SUMO3: variants seen among roughly 807,000 people sequenced by gnomAD.
SUMO3 encodes the protein small ubiquitin-related modifier 3.
In SUMO3, 2 loss-of-function variants were observed where a neutral mutation model predicts 11.1. The observed-to-expected ratio is 0.18, with a 90% CI of 0.07 to 0.57. SUMO3 has a LOEUF of 0.57. SUMO3 is among the 20% of genes least tolerant of loss of function. SUMO3 has a pLI of 0.92. For synonymous variants in SUMO3, 56 were observed against 53.5 expected (o/e 1.05, Z -0.20); for missense variants, 70 against 132.8 (o/e 0.53, Z 2.32).
chr21:44,815,196 CG>C (rs774668230), intron 1 of SUMO3, among the ~76,000 whole-genome samples: 7 of 152,194 alleles, frequency 4.6e-5, no homozygotes, highest in Non-Finnish European at 1.0e-4. Flanking sequence ...ACTGTCCCAG[CG>C]ATGCCTAAAT....
At position 44,806,367 on chromosome 21, in the gene SUMO3, A is replaced by AT. The variant is rs1486025493; in HGVS notation, c.*583dup. The AT allele has an allele frequency of 6.6e-6, 1 of 152,456 alleles. No individual in the cohort carries two copies. The highest frequency in any genetic ancestry group is 1.5e-5 in the Non-Finnish European group (1 of 68,258). The allele number at this position is 152,456 out of a possible 1,614,324, so 9.4% of individuals were successfully genotyped here. On this transcript the variant is annotated 3_prime_UTR_variant, in exon 4 of 4. Transcript: ENST00000332859. ...GGTCAAATTACCAAAAGACTCGGTT[A>AT]TTTTTTAACCTTTGAAGAAGCATTC...
rs1342135623 is a variant in SUMO3 at position 44,809,060 on chromosome 21, T to C, written c.209A>G (p.Asp70Gly). 6.2e-7 allele frequency: 1 copy of C among 1,614,082 alleles called. No individual in the cohort carries two copies. Among genetic ancestry groups the C allele is most frequent in the South Asian group, 1.1e-5 (1 of 91,076 alleles). The change falls in exon 3 of 4, where the codon GAC (aspartate) becomes GGC (glycine). Residue 70 changes from aspartate (D) to glycine (G), a missense_variant. Coordinates refer to ENST00000332859, the MANE Select transcript of SUMO3 (RefSeq NM_006936.3). ...CCAGCTCCGTACCTGTGCTGGAGTG[T>C]CAGTTTCATTGATTGGCTGCCCGTC... ...RFDGQPINET[D>G]TPAQLEMEDE...
chr21:44,813,782 T>A lies in SUMO3; in HGVS notation c.150+194A>T, dbSNP rs942173872. On this transcript the variant is annotated intron_variant, in intron 2 of 3. Coordinates refer to ENST00000332859, the MANE Select transcript of SUMO3 (RefSeq NM_006936.3). ...CGAGCCTCTAGGTCCCTCCACCTTA[T>A]AAAAGGCCATGGGGGACAAGCCCAG... is the stretch of plus-strand genomic sequence containing the variant. The A allele has an allele frequency of 2.0e-6, 3 of 1,487,436 alleles. No homozygotes were observed. The South Asian group carries it at 3.8e-5, about 19-fold the overall frequency. The allele number at this position is 1,487,436 out of a possible 1,614,324, so 92.1% of individuals were successfully genotyped here.
At position 44,814,928 on chromosome 21, in the gene SUMO3, A is replaced by T. The variant is rs550901242; in HGVS notation, c.22-824T>A. ...TGAGTTGAGGCAAAAAGCTGATGTC[A>T]AGAGACTGGGAGCCAACTTCGGGGC... is the stretch of plus-strand genomic sequence containing the variant. On this transcript the variant is annotated intron_variant, in intron 1 of 3. Transcript: ENST00000332859. 2.0e-5 allele frequency among the ~76,000 whole-genome samples: 3 copies of T among 152,362 alleles called. No individual in the cohort carries two copies. In the South Asian group the frequency reaches 6.2e-4, roughly 32 times the overall value.
Position 44,817,964 on chromosome 21 carries a change from G to A in SUMO3, c.5C>T (p.Ser2Phe). 1.7e-6 allele frequency: 2 copies of A among 1,181,560 alleles called. No homozygotes were observed. Among genetic ancestry groups the A allele is most frequent in the Non-Finnish European group, 2.1e-6 (2 of 955,408 alleles). 73.2% of individuals were successfully genotyped at this position (1,181,560 alleles called of 1,614,324 possible). A position where few individuals can be genotyped will look rare whatever the true frequency, so the allele number is the denominator to read the frequency against. Residue 2 changes from serine to phenylalanine, a missense_variant, in exon 1 of 4, where the codon TCC (serine) becomes TTC (phenylalanine). By Grantham distance (155) the Ser-to-Phe change is radical (BLOSUM62 -2). Coordinates refer to ENST00000332859, the MANE Select transcript of SUMO3 (RefSeq NM_006936.3). M[S>F]EEKPKEGVKT... ...CGCGCTTACCTTGGGCTTCTCCTCG[G>A]ACATGGCTGCGCGAGCGGCGCGGGG... is the stretch of plus-strand genomic sequence containing the variant.
At chr21:44,815,918 G>C (rs1014082384) in intron 1 of SUMO3, among the ~76,000 whole-genome samples, 1 of 152,196 alleles carries the variant, frequency 6.6e-6, no homozygotes, top group Non-Finnish European at 1.5e-5. Flanking sequence ...CTCCACCTCA[G>C]CTATCCAGGG....
chr21:44,808,681 G>C, intron 3 of SUMO3: 1 of 1,362,304 alleles, frequency 7.3e-7, no homozygotes, highest in South Asian at 1.8e-5. Context: ...CGTCACTTGT[G>C]CAAGATGCTT....
chr21:44,815,977 C>T (rs995779330), intron 1 of SUMO3, among the ~76,000 whole-genome samples: 1 of 152,238 alleles, frequency 6.6e-6, no homozygotes, highest in Admixed American at 6.5e-5. Flanking sequence ...CTTTCCAGCA[C>T]CACCGGGCCC....
rs147549284 is a variant in SUMO3, at chr21:44,813,953, T to C, written c.150+23A>G. On this transcript the variant is annotated intron_variant, in intron 2 of 3. Coordinates refer to ENST00000332859, the MANE Select transcript of SUMO3 (RefSeq NM_006936.3). The stretch of plus-strand genomic sequence containing the variant: ...GACCAGTGCGCACACGGGGAGGCTC[T>C]GCGGGGGAGCAAGGTGCCGCACCTG... The C allele has an allele frequency of 9.6e-3, 15,438 of 1,607,346 alleles. 95 individuals carry two copies. The highest frequency in any genetic ancestry group is 0.012 in the Non-Finnish European group (14,077 of 1,179,902).
At chr21:44,808,847 C>A in intron 3 of SUMO3, 200 bp downstream of exon 3, 1 of 677,368 alleles carries the variant, frequency 1.5e-6, no homozygotes, top group East Asian at 2.8e-5. Context: ...CTCCAAACAG[C>A]AAGAATGATG....
intron 3 of SUMO3, chr21:44,808,231 G>A (rs767629856): frequency 3.0e-5 from 7 of 234,036 alleles, no homozygotes; most frequent in South Asian, 1.7e-4. Context: ...ACTCTGTTTC[G>A]GCCGGGCGCG....
chr21:44,817,532 G>A (rs2083253449), intron 1 of SUMO3, among the ~76,000 whole-genome samples: 1 of 151,668 alleles, frequency 6.6e-6, no homozygotes, highest in Non-Finnish European at 1.5e-5. Flanking sequence ...GCGATGCCGG[G>A]GGAGAGGGCG....
chr21:44,817,645 G>A (rs72613649), intron 1 of SUMO3, among the ~76,000 whole-genome samples: 31,587 of 150,704 alleles, frequency 0.21, 4,573 homozygotes, highest in East Asian at 0.58. Context: ...GCAGCAGCGC[G>A]GGGCCCGACA....
At chr21:44,816,052 A>G (rs968583022) in intron 1 of SUMO3, among the ~76,000 whole-genome samples, 4 of 152,164 alleles carry the variant, frequency 2.6e-5, no homozygotes, top group Non-Finnish European at 5.9e-5. Context: ...ATGGGCTCAG[A>G]GGGGACCCAC....
At chr21:44,809,765 G>C (rs1175132722) in intron 2 of SUMO3, among the ~76,000 whole-genome samples, 1 of 152,190 alleles carries the variant, frequency 6.6e-6, no homozygotes, top group African/African-American at 2.4e-5. Context: ...GAGCCGCCAG[G>C]TGAATACTAA....
rs1426094438 is a variant in SUMO3 at position 44,813,711 on chromosome 21, C to T, written c.150+265G>A. Reference sequence around the variant, plus strand: ...TTAGTACCCCATGGAGAACACAGCACCCCGGGCAGCCGCCCTGTCAGGAAG... The same window carrying T: ...TTAGTACCCCATGGAGAACACAGCATCCCGGGCAGCCGCCCTGTCAGGAAG... On this transcript the variant is annotated intron_variant, in intron 2 of 3. Transcript: ENST00000332859. 8.2e-6 allele frequency: 9 copies of T among 1,098,788 alleles called. No homozygotes were observed. In the East Asian group the frequency reaches 1.8e-4, roughly 22 times the overall value. 68.1% of individuals were successfully genotyped at this position (1,098,788 alleles called of 1,614,324 possible). A position where few individuals can be genotyped will look rare whatever the true frequency, so the allele number is the denominator to read the frequency against.
chr21:44,809,400 TTCTC>T (rs1049745051), intron 2 of SUMO3, among the ~76,000 whole-genome samples: 2 of 152,372 alleles, frequency 1.3e-5, no homozygotes, highest in Middle Eastern at 3.4e-3. Flanking sequence ...TTCTACCATC[TTCTC>T]TCTGATGAGC....
In SUMO3 at chr21:44,805,943, A is replaced by G. The variant is rs2083173291; in HGVS notation, c.*1008T>C. 1.3e-5 allele frequency: 2 copies of G among 152,422 alleles called. No individual in the cohort carries two copies. Among genetic ancestry groups the G allele is most frequent in the Non-Finnish European group, 2.9e-5 (2 of 68,022 alleles). 9.4% of individuals were successfully genotyped at this position (152,422 alleles called of 1,614,324 possible). A position where few individuals can be genotyped will look rare whatever the true frequency, so the allele number is the denominator to read the frequency against. On this transcript the variant is annotated 3_prime_UTR_variant, in exon 4 of 4. Transcript: ENST00000332859. ...CACCAGACTAATGCATAAATTCAAT[A>G]CCTATTTGGAAAGCAGCACGGCACA...
chr21:44,815,475 G>C (rs996795302), intron 1 of SUMO3, among the ~76,000 whole-genome samples: 2 of 152,208 alleles, frequency 1.3e-5, no homozygotes, highest in African/African-American at 4.8e-5. Flanking sequence ...CTTGGCGGCA[G>C]CCTGAGTGGT....
Sources: gnomAD v4.1 joint callset for allele counts (sites outside exome capture counted in the v4.1 genomes callset) on GRCh38, gnomAD v4.1.1 for gene constraint, MANE v1.5 for transcripts, NCBI Gene and HGNC (gene_info 2026-07-23, HGNC 2026-07-21) for gene names.